The following VWC2L variants were observed in gnomAD, a reference collection of about 807,000 sequenced individuals.
VWC2L encodes von Willebrand factor C domain containing 2 like.
A neutral mutation model predicts 21.6 loss-of-function variants in VWC2L; 10 were observed. The ratio of observed to expected loss-of-function variants is 0.46; its 90% CI spans 0.29 to 0.78. The LOEUF is 0.78. Among genes scored for constraint, VWC2L ranks in the 30% least tolerant of loss-of-function variants. VWC2L has a pLI of 0.10. For synonymous variants in VWC2L, 96 were observed against 94.3 expected (o/e 1.02, Z -0.10); for missense variants, 209 against 277.1 (o/e 0.75, Z 1.74).
At chr2:214,417,428 T>C (rs1702373111) in intron 2 of VWC2L, among the ~76,000 whole-genome samples, 1 of 152,186 alleles carries the variant, frequency 6.6e-6, no homozygotes, top group Non-Finnish European at 1.5e-5. Flanking sequence ...CAGAAGCTTA[T>C]CAAAATAGTA....
chr2:214,423,436 A>T (rs1702472490), intron 2 of VWC2L, among the ~76,000 whole-genome samples: 1 of 152,108 alleles, frequency 6.6e-6, no homozygotes, highest in Non-Finnish European at 1.5e-5. Context: ...TTAATATGTC[A>T]CTTTCCTGTG....
intron 3 of VWC2L, among the ~76,000 whole-genome samples, chr2:214,449,861 C>A (rs899519708): frequency 6.6e-6 from 1 of 152,158 alleles, no homozygotes; most frequent in Admixed American, 6.6e-5. Context: ...TAGCCAGCCC[C>A]GAGTCTTTCC....
chr2:214,552,121 G>A (rs1259813133), intron 3 of VWC2L, among the ~76,000 whole-genome samples: 3 of 152,234 alleles, frequency 2.0e-5, no homozygotes, highest in Admixed American at 6.5e-5. Context: ...CAGCTTCGCT[G>A]TGATTCACAG....
intron 3 of VWC2L, among the ~76,000 whole-genome samples, chr2:214,520,775 A>C (rs1202491809): frequency 4.6e-5 from 7 of 152,186 alleles, no homozygotes; most frequent in Non-Finnish European, 1.0e-4. Context: ...TACATATGCG[A>C]TATGATCTCA....
intron 3 of VWC2L, among the ~76,000 whole-genome samples, chr2:214,560,666 C>T (rs967332335): frequency 1.3e-5 from 2 of 152,088 alleles, no homozygotes; most frequent in African/African-American, 4.8e-5. Flanking sequence ...CTGTTTCAAT[C>T]CCAAAGATAA....
At chr2:214,459,687 G>T (rs1362501042) in intron 3 of VWC2L, among the ~76,000 whole-genome samples, 1 of 152,036 alleles carries the variant, frequency 6.6e-6, no homozygotes, top group African/African-American at 2.4e-5. Context: ...TTACATGTCT[G>T]GAAAAGACTG....
At chr2:214,551,304 T>C (rs1689790854) in intron 3 of VWC2L, among the ~76,000 whole-genome samples, 1 of 152,188 alleles carries the variant, frequency 6.6e-6, no homozygotes, top group South Asian at 2.1e-4. Flanking sequence ...TTTAAAGGTC[T>C]CAGTCAAATT....
chr2:214,522,769 C>G (rs2105912085), intron 3 of VWC2L, among the ~76,000 whole-genome samples: 1 of 152,196 alleles, frequency 6.6e-6, no homozygotes, highest in African/African-American at 2.4e-5. Flanking sequence ...TAGATGAATA[C>G]AATAGCTATT....
In VWC2L at chr2:214,576,789, C is replaced by A. The variant is rs1189716161; in HGVS notation, c.*969C>A. 6.6e-6 allele frequency: 1 copy of A among 152,110 alleles called. No homozygotes were observed. The highest frequency in any genetic ancestry group is 1.9e-4 in the East Asian group (1 of 5,190). The allele number at this position is 152,110 out of a possible 1,614,324, so 9.4% of individuals were successfully genotyped here. A position where few individuals can be genotyped will look rare whatever the true frequency, so the allele number is the denominator to read the frequency against. ...CAGATTTGGCTAAAAGTCAGTAGTA[C>A]ACACTGGCAGTTTTTGTGGTTCGGG... On this transcript the variant is annotated 3_prime_UTR_variant, in exon 4 of 4. Coordinates refer to ENST00000312504, the MANE Select transcript of VWC2L (RefSeq NM_001080500.4).
At chr2:214,475,891 T>A (rs986037826) in intron 3 of VWC2L, among the ~76,000 whole-genome samples, 2 of 152,184 alleles carry the variant, frequency 1.3e-5, no homozygotes, top group East Asian at 1.9e-4. Flanking sequence ...CAAGGTCACA[T>A]TGATATTGTC....
chr2:214,511,894 A>G (rs1450586884), intron 3 of VWC2L, among the ~76,000 whole-genome samples: 1 of 132,260 alleles, frequency 7.6e-6, no homozygotes, highest in African/African-American at 2.7e-5. Flanking sequence ...CTTTATATAG[A>G]TATACTTTAC....
chr2:214,491,867 A>G (rs1282699474), intron 3 of VWC2L, among the ~76,000 whole-genome samples: 1 of 152,152 alleles, frequency 6.6e-6, no homozygotes, highest in African/African-American at 2.4e-5. Flanking sequence ...TATCATAGCT[A>G]CATAGTAAAC....
chr2:214,411,835 G>A (rs978512245), intron 1 of VWC2L, 49 bp downstream of exon 1: 1 of 152,112 alleles, frequency 6.6e-6, no homozygotes, highest in African/African-American at 2.4e-5. Context: ...CAAAGAAATA[G>A]ATGCAGTCAT....
chr2:214,442,333 T>G (rs1163379620), intron 3 of VWC2L, among the ~76,000 whole-genome samples: 1 of 152,184 alleles, frequency 6.6e-6, no homozygotes, highest in Non-Finnish European at 1.5e-5. Flanking sequence ...AGAAAAGAGC[T>G]AAAGTCTTTA....
rs116469730 is a variant in VWC2L, at chr2:214,486,617, A to G, written c.520+49859A>G. On this transcript the variant is annotated intron_variant, in intron 3 of 3. Coordinates refer to ENST00000312504, the MANE Select transcript of VWC2L (RefSeq NM_001080500.4). ...GAACCCTACTGACCTCACATGCCAG[A>G]GGAATGGAGGAGATCTCTATATATC... Among the ~76,000 whole-genome samples, 1,221 of 152,258 alleles carry G rather than the reference A, an allele frequency of 8.0e-3. 20 individuals are homozygous for G. The highest frequency in any genetic ancestry group is 0.028 in the African/African-American group (1,160 of 41,542).
intron 3 of VWC2L, among the ~76,000 whole-genome samples, chr2:214,521,005 C>A (rs1342687495): frequency 6.6e-6 from 1 of 151,646 alleles, no homozygotes; most frequent in Non-Finnish European, 1.5e-5. Flanking sequence ...GGGTGGATCA[C>A]GAGGTCAGGA....
intron 3 of VWC2L, among the ~76,000 whole-genome samples, chr2:214,461,542 C>T (rs1703140503): frequency 6.6e-6 from 1 of 152,114 alleles, no homozygotes. Context: ...GCTTTATCAC[C>T]AGTGGCAGGT....
At chr2:214,466,139 G>GTAGA (rs34305351) in intron 3 of VWC2L, among the ~76,000 whole-genome samples, 61,122 of 151,638 alleles carry the variant, frequency 0.4, 14,602 homozygotes, top group African/African-American at 0.68. Flanking sequence ...GCTTTTTTGT[G>GTAGA]TAGTTGTTCA....
intron 3 of VWC2L, among the ~76,000 whole-genome samples, chr2:214,484,156 A>G (rs1291841253): frequency 6.6e-6 from 1 of 152,128 alleles, no homozygotes; most frequent in Non-Finnish European, 1.5e-5. Context: ...GACACCAGTT[A>G]CTGGATTAGG....
Sources: gnomAD v4.1 joint callset for allele counts (sites outside exome capture counted in the v4.1 genomes callset) on GRCh38, gnomAD v4.1.1 for gene constraint, MANE v1.5 for transcripts, NCBI Gene and HGNC (gene_info 2026-07-23, HGNC 2026-07-21) for gene names.